Variants in ATP2B4 observed in about 807,000 individuals in gnomAD.
ATP2B4 encodes the protein ATPase plasma membrane Ca2+ transporting 4, also known as plasma membrane calcium-transporting ATPase 4.
Under a neutral mutation model 110.3 loss-of-function variants are expected in ATP2B4, and 39 were observed. That is an observed-to-expected ratio of 0.35 (90% CI 0.27 to 0.46). The LOEUF (loss-of-function observed/expected upper bound fraction) is 0.46, where lower values mean the gene tolerates loss of function less well. ATP2B4 is among the 20% of genes least tolerant of loss of function. The pLI, the probability that ATP2B4 is intolerant of heterozygous loss-of-function variation, is 1.00. For synonymous variants in ATP2B4, 538 were observed against 571.7 expected (o/e 0.94, Z 0.84); for missense variants, 1,135 against 1,530.9 (o/e 0.74, Z 4.32).
intron 4 of ATP2B4, among the ~76,000 whole-genome samples, chr1:203,699,954 A>G (rs1022137438): frequency 1.3e-5 from 2 of 152,254 alleles, no homozygotes; most frequent in African/African-American, 2.4e-5. Context: ...TTAAAAGTGT[A>G]TAACATTCAG....
intron 8 of ATP2B4, 109 bp downstream of exon 8, chr1:203,703,922 T>C: frequency 7.2e-7 from 1 of 1,391,572 alleles, no homozygotes; most frequent in Non-Finnish European, 9.6e-7. Context: ...AAGCTGAAAC[T>C]TCAGGGTGGC....
At chr1:203,714,317 T>G (rs774372363) in intron 15 of ATP2B4, 40 bp downstream of exon 15, 10 of 1,608,332 alleles carry the variant, frequency 6.2e-6, no homozygotes, top group Non-Finnish European at 8.5e-6. Flanking sequence ...CAAGCTGCCT[T>G]CTCCATCAGG....
At chr1:203,725,440 T>C (rs1463555958) in intron 19 of ATP2B4, among the ~76,000 whole-genome samples, 1 of 152,166 alleles carries the variant, frequency 6.6e-6, no homozygotes, top group Non-Finnish European at 1.5e-5. Flanking sequence ...TGAGCCACCG[T>C]GCCCAGCCTC....
At chr1:203,733,305 TA>T in intron 20 of ATP2B4, 1 of 1,614,128 alleles carries the variant, frequency 6.2e-7, no homozygotes, top group Non-Finnish European at 8.5e-7. Context: ...CACCTTGATG[TA>T]AAACTTGTTC....
At chr1:203,676,741 T>C (rs1664840086) in intron 1 of ATP2B4, among the ~76,000 whole-genome samples, 1 of 151,362 alleles carries the variant, frequency 6.6e-6, no homozygotes, top group African/African-American at 2.4e-5. Context: ...ACCACTGGGC[T>C]CTCCAGGCAG....
chr1:203,683,097 G>A lies in ATP2B4; in HGVS notation c.-109G>A. Reference sequence around the variant, plus strand: ...AATCTATTCCCTCACTGGGCCCCCAGAGAAGCAAGAAGTAGGAAGAAGTTG... The same window carrying A: ...AATCTATTCCCTCACTGGGCCCCCAAAGAAGCAAGAAGTAGGAAGAAGTTG... On this transcript the variant is annotated 5_prime_UTR_variant, in exon 2 of 21. Coordinates refer to ENST00000357681, the MANE Select transcript of ATP2B4 (RefSeq NM_001684.5). 1 of 1,316,420 alleles carries A rather than the reference G, an allele frequency of 7.6e-7. No individual in the cohort carries two copies. 81.5% of individuals were successfully genotyped at this position (1,316,420 alleles called of 1,614,324 possible).
chr1:203,635,071 T>C (rs973246880), intron 1 of ATP2B4, among the ~76,000 whole-genome samples: 2 of 151,992 alleles, frequency 1.3e-5, no homozygotes, highest in African/African-American at 4.8e-5. Context: ...GCCTCCTGAT[T>C]TCAAACGATT....
chr1:203,662,302 A>T (rs1664364334), intron 1 of ATP2B4, among the ~76,000 whole-genome samples: 1 of 152,244 alleles, frequency 6.6e-6, no homozygotes, highest in Non-Finnish European at 1.5e-5. Context: ...TTGGGATTAC[A>T]GGCATGAGCC....
intron 19 of ATP2B4, among the ~76,000 whole-genome samples, chr1:203,724,680 G>A (rs1666450865): frequency 1.3e-5 from 2 of 152,004 alleles, no homozygotes. Context: ...CTGGCTATGG[G>A]CTGTCGAGCT....
intron 20 of ATP2B4, chr1:203,728,159 G>T (rs781525945): frequency 4.3e-6 from 2 of 463,996 alleles, no homozygotes; most frequent in Non-Finnish European, 8.9e-6. Flanking sequence ...AGCATCTTTT[G>T]CAGGATTCAG....
Position 203,739,884 on chromosome 1 carries a change from T to C in ATP2B4, c.*30T>C. On this transcript the variant is annotated 3_prime_UTR_variant, in exon 21 of 21. Coordinates refer to ENST00000357681, the MANE Select transcript of ATP2B4 (RefSeq NM_001684.5). ...TCTTTCTCTGACTCTCATCCCTATT[T>C]TACCTATTTCCATTTTCGTCTATCC... 6.3e-7 allele frequency: 1 copy of C among 1,586,568 alleles called. No homozygotes were observed. The highest frequency in any genetic ancestry group is 8.6e-7 in the Non-Finnish European group (1 of 1,165,928).
chr1:203,710,093 C>T (rs1404686372), intron 11 of ATP2B4, among the ~76,000 whole-genome samples: 4 of 152,124 alleles, frequency 2.6e-5, no homozygotes, highest in South Asian at 2.1e-4. Flanking sequence ...TTCGGCCAGG[C>T]GCAGTGGCTC....
chr1:203,658,422 T>G (rs1418262827), intron 1 of ATP2B4, among the ~76,000 whole-genome samples: 1 of 150,556 alleles, frequency 6.6e-6, no homozygotes, highest in Non-Finnish European at 1.5e-5. Flanking sequence ...TCCCAGCTAC[T>G]TGGGAGACTG....
chr1:203,634,019 C>A (rs1023601508), intron 1 of ATP2B4, among the ~76,000 whole-genome samples: 2 of 152,094 alleles, frequency 1.3e-5, no homozygotes, highest in Non-Finnish European at 2.9e-5. Flanking sequence ...TATTGCACTC[C>A]AGCCTGGGCA....
intron 1 of ATP2B4, among the ~76,000 whole-genome samples, chr1:203,652,958 A>G (rs1036472720): frequency 6.6e-6 from 1 of 152,228 alleles, no homozygotes; most frequent in African/African-American, 2.4e-5. Flanking sequence ...CTCACTAGAA[A>G]TCAAAAGCTA....
Position 203,710,877 on chromosome 1 carries a change from G to A in ATP2B4, c.1800G>A (p.Lys600=), listed in dbSNP as rs1444807267. The part of the protein sequence containing the change: ...SKGASEIILR[K]CNRILDRKGE... ...GCGTTCTTACTGTGCGCCTCCCCAGGTGTAATCGAATCCTGGACCGGAAAG... is the reference window on the plus strand; with the variant it reads ...GCGTTCTTACTGTGCGCCTCCCCAGATGTAATCGAATCCTGGACCGGAAAG... Residue 600 remains lysine, a splice_region_variant and synonymous_variant, in exon 12 of 21, where the codon AAG becomes AAA. Coordinates refer to ENST00000357681, the MANE Select transcript of ATP2B4 (RefSeq NM_001684.5). 6.2e-7 allele frequency: 1 copy of A among 1,609,792 alleles called. No homozygotes were observed. Among genetic ancestry groups the A allele is most frequent in the Admixed American group, 1.7e-5 (1 of 59,730 alleles).
chr1:203,704,141 T>C (rs2236551), intron 8 of ATP2B4, among the ~76,000 whole-genome samples: 10,813 of 152,226 alleles, frequency 0.071, 1,010 homozygotes, highest in East Asian at 0.39. Flanking sequence ...ACCTGTCTCT[T>C]GCTTTGGGTT....
chr1:203,710,868 C>T lies in ATP2B4; in HGVS notation c.1800-9C>T, dbSNP rs1358703183. The T allele has an allele frequency of 6.9e-6, 11 of 1,599,478 alleles. No homozygotes were observed. In the East Asian group the frequency reaches 1.6e-4, roughly 23 times the overall value. The stretch of plus-strand genomic sequence containing the variant: ...GGAGACACCGCGTTCTTACTGTGCG[C>T]CTCCCCAGGTGTAATCGAATCCTGG... On this transcript the variant is annotated splice_polypyrimidine_tract_variant and intron_variant, in intron 11 of 20. Transcript: ENST00000357681.
intron 2 of ATP2B4, among the ~76,000 whole-genome samples, chr1:203,690,360 A>G (rs768304777): frequency 1.9e-4 from 29 of 152,194 alleles, no homozygotes; most frequent in Non-Finnish European, 3.1e-4. Context: ...GTTCACCTAC[A>G]AGACTATTGC....
Sources: gnomAD v4.1 joint callset for allele counts (sites outside exome capture counted in the v4.1 genomes callset) on GRCh38, gnomAD v4.1.1 for gene constraint, MANE v1.5 for transcripts, NCBI Gene and HGNC (gene_info 2026-07-23, HGNC 2026-07-21) for gene names.